Variants in UBE2F observed in about 807,000 individuals in gnomAD.
The protein encoded by UBE2F is NEDD8-conjugating enzyme UBE2F.
In UBE2F, 5 loss-of-function variants were observed where a neutral mutation model predicts 29.6. The observed-to-expected ratio is 0.17, with a 90% confidence interval of 0.09 to 0.36. UBE2F has a LOEUF of 0.36. Among genes scored for constraint, UBE2F ranks in the 10% least tolerant of loss-of-function variants. The pLI is 1.00. For synonymous variants in UBE2F, 66 were observed against 81.8 expected, an observed-to-expected ratio of 0.81 and a Z score of 1.04; for missense variants, 141 against 228.5, an observed-to-expected ratio of 0.62 and a Z score of 2.47.
chr2:238,001,907 TA>T (rs2106363413), intron 4 of UBE2F, among the ~76,000 whole-genome samples: 1 of 152,332 alleles, frequency 6.6e-6, no homozygotes, highest in South Asian at 2.1e-4. Context: ...TTTTAATTTA[TA>T]AAAACTCCCT....
At chr2:237,989,288 G>A (rs1331695378) in intron 3 of UBE2F, among the ~76,000 whole-genome samples, 2 of 152,174 alleles carry the variant, frequency 1.3e-5, no homozygotes, top group East Asian at 1.9e-4. Flanking sequence ...AAAGATAATG[G>A]TGGATTGCAA....
intron 1 of UBE2F, among the ~76,000 whole-genome samples, chr2:237,972,411 G>A (rs2063192849): frequency 6.6e-6 from 1 of 152,154 alleles, no homozygotes; most frequent in Non-Finnish European, 1.5e-5. Context: ...GAACCCATTG[G>A]TGAGGGCATG....
chr2:237,975,454 G>A (rs973945383), intron 2 of UBE2F, among the ~76,000 whole-genome samples: 37 of 152,144 alleles, frequency 2.4e-4, no homozygotes, highest in African/African-American at 8.4e-4. Flanking sequence ...AAAGCAAAGG[G>A]TTGATTAGTG....
intron 3 of UBE2F, among the ~76,000 whole-genome samples, chr2:237,993,856 C>T (rs998765810): frequency 6.6e-6 from 1 of 152,158 alleles, no homozygotes; most frequent in African/African-American, 2.4e-5. Context: ...ATGCAATCAA[C>T]TTCCCTGGCC....
chr2:237,997,885 C>A (rs2063721903), intron 4 of UBE2F, among the ~76,000 whole-genome samples: 1 of 152,034 alleles, frequency 6.6e-6, no homozygotes, highest in South Asian at 2.1e-4. Flanking sequence ...CATCATCTCG[C>A]AAAACAAGAA....
At chr2:238,028,609 G>T (rs2064490884) in intron 6 of UBE2F, among the ~76,000 whole-genome samples, 1 of 152,210 alleles carries the variant, frequency 6.6e-6, no homozygotes, top group Non-Finnish European at 1.5e-5. Context: ...TAGGATACAT[G>T]ATTTGAGTTT....
At chr2:238,008,356 C>T (rs558193470) in intron 4 of UBE2F, among the ~76,000 whole-genome samples, 1 of 152,288 alleles carries the variant, frequency 6.6e-6, no homozygotes, top group African/African-American at 2.4e-5. Flanking sequence ...AACACAATTT[C>T]TAATAGATAT....
chr2:238,035,287 G>C (rs1002244623), intron 8 of UBE2F: 2 of 154,438 alleles, frequency 1.3e-5, no homozygotes, highest in Admixed American at 6.5e-5. Flanking sequence ...GGGCTGAGGG[G>C]CGTAGCCATT....
In UBE2F at chr2:237,982,204, A is replaced by G. The variant is rs113999649; in HGVS notation, c.119-5759A>G. Among the ~76,000 whole-genome samples, 1 of 152,108 alleles carries G rather than the reference A, an allele frequency of 6.6e-6. No individual in the cohort carries two copies. Among genetic ancestry groups the G allele is most frequent in the Non-Finnish European group, 1.5e-5 (1 of 68,012 alleles). On this transcript the variant is annotated intron_variant, in intron 2 of 9. Transcript: ENST00000272930. This position sits in a 1 kb window ranked among gnomAD's most constrained non-coding sequence, Gnocchi z 4.1. ...CAGGGCTTCCATTCCTTTCTTTATCAGGTGTTGTCTGGCATCTTCCTGGCT... is the reference window on the plus strand; with the variant it reads ...CAGGGCTTCCATTCCTTTCTTTATCGGGTGTTGTCTGGCATCTTCCTGGCT...
At chr2:237,973,777 G>T in intron 2 of UBE2F, 2 of 1,113,650 alleles carry the variant, frequency 1.8e-6, no homozygotes, top group Non-Finnish European at 2.3e-6. Context: ...TTGGAGAAGG[G>T]TTGGTAAAAT....
intron 3 of UBE2F, among the ~76,000 whole-genome samples, chr2:237,991,609 C>CTT (rs774476848): frequency 1.9e-5 from 1 of 53,052 alleles, no homozygotes; most frequent in Non-Finnish European, 3.5e-5. Flanking sequence ...TTCTTTCTTT[C>CTT]TTTTTTTTTT....
At chr2:238,027,921 C>A (rs780000805) in intron 6 of UBE2F, among the ~76,000 whole-genome samples, 14 of 152,326 alleles carry the variant, frequency 9.2e-5, no homozygotes, top group Non-Finnish European at 2.1e-4. Flanking sequence ...CCGGCAGGGA[C>A]CCTTCGCCTG....
chr2:238,028,009 G>C (rs1004487752), intron 6 of UBE2F, among the ~76,000 whole-genome samples: 1 of 152,238 alleles, frequency 6.6e-6, no homozygotes, highest in East Asian at 1.9e-4. Flanking sequence ...GCTTCTCCTA[G>C]AGTCCAAGCT....
At chr2:238,000,698 C>T (rs2063775050) in intron 4 of UBE2F, among the ~76,000 whole-genome samples, 1 of 152,094 alleles carries the variant, frequency 6.6e-6, no homozygotes, top group South Asian at 2.1e-4. Context: ...AATTACTGGG[C>T]CATGTGGTAA....
At chr2:237,991,908 C>G (rs1205584943) in intron 3 of UBE2F, among the ~76,000 whole-genome samples, 3 of 151,638 alleles carry the variant, frequency 2.0e-5, no homozygotes, top group Non-Finnish European at 4.4e-5. Context: ...TTCTTTCACC[C>G]AGGCTGAAGT....
intron 2 of UBE2F, among the ~76,000 whole-genome samples, chr2:237,984,014 T>TCTCCTCTTCTTCCCCCTCCCCTACTC (rs2106337712): frequency 6.6e-6 from 1 of 151,612 alleles, no homozygotes; most frequent in South Asian, 2.1e-4. Context: ...CCAGCCTTGT[T>TCTCCTCTTCTTCCCCCTCCCCTACTC]CTCCTCTTCT....
At chr2:238,018,053 T>G (rs1346690778) in intron 5 of UBE2F, among the ~76,000 whole-genome samples, 1 of 152,184 alleles carries the variant, frequency 6.6e-6, no homozygotes, top group Non-Finnish European at 1.5e-5. Flanking sequence ...ATTTTTAAAT[T>G]TGTAGACAAA....
intron 4 of UBE2F, among the ~76,000 whole-genome samples, chr2:237,996,338 G>T (rs2063691785): frequency 6.6e-6 from 1 of 152,226 alleles, no homozygotes; most frequent in East Asian, 1.9e-4. Flanking sequence ...GGATTCTGTG[G>T]CTCTGCCCAT....
chr2:237,975,147 C>G (rs2063255308), intron 2 of UBE2F, among the ~76,000 whole-genome samples: 2 of 151,494 alleles, frequency 1.3e-5, no homozygotes, highest in African/African-American at 4.9e-5. Flanking sequence ...CTATCACCAG[C>G]CTGGAGTGCA....
Sources: gnomAD v4.1 joint callset for allele counts (sites outside exome capture counted in the v4.1 genomes callset) on GRCh38, gnomAD v4.1.1 for gene constraint, Gnocchi (gnomAD v3.1) non-coding constraint, MANE v1.5 for transcripts, NCBI Gene and HGNC (gene_info 2026-07-23, HGNC 2026-07-21) for gene names.